MBTD1: variants seen among roughly 807,000 people sequenced by gnomAD.
The protein encoded by MBTD1 is MBT domain-containing protein 1.
Under a neutral mutation model 87.8 loss-of-function variants are expected in MBTD1, and 24 were observed. That is an observed-to-expected ratio of 0.27 (90% confidence interval 0.20 to 0.38). The LOEUF is 0.38. MBTD1 is among the 10% of genes least tolerant of loss of function. The probability of loss-of-function intolerance (pLI) is 1.00; values close to 1 mark genes in which losing one functional copy is unlikely to be tolerated. For missense variants in MBTD1, 436 were observed against 760.2 expected (o/e 0.57, Z 5.02); for synonymous variants, 237 against 248.6 (o/e 0.95, Z 0.44).
chr17:51,256,844 G>C (rs190549200), intron 2 of MBTD1: 1 of 152,244 alleles, frequency 6.6e-6, no homozygotes, highest in East Asian at 1.9e-4. Context: ...TGAGAAAATG[G>C]AGGCACAGGA....
At chr17:51,202,352 T>C (rs747053716) in intron 10 of MBTD1, among the ~76,000 whole-genome samples, 2 of 152,238 alleles carry the variant, frequency 1.3e-5, no homozygotes, top group Non-Finnish European at 2.9e-5. Flanking sequence ...CATGTTTTCA[T>C]GTGCTTAGTA....
intron 6 of MBTD1, among the ~76,000 whole-genome samples, chr17:51,216,662 G>A (rs946693794): frequency 2.6e-5 from 4 of 152,204 alleles, no homozygotes; most frequent in Admixed American, 6.5e-5. Context: ...GCAGATTTAA[G>A]TAACATACAC....
chr17:51,224,257 A>T (rs957781807), intron 3 of MBTD1, among the ~76,000 whole-genome samples: 2 of 152,242 alleles, frequency 1.3e-5, no homozygotes, highest in African/African-American at 4.8e-5. Context: ...CAAAGAATTA[A>T]ATCACTGGGA....
At chr17:51,190,191 G>A (rs149203262) in intron 16 of MBTD1, among the ~76,000 whole-genome samples, 27 of 152,268 alleles carry the variant, frequency 1.8e-4, no homozygotes, top group Non-Finnish European at 3.4e-4. Context: ...AAATCAGCAC[G>A]TACCTGAGCA....
intron 7 of MBTD1, among the ~76,000 whole-genome samples, chr17:51,205,296 T>C (rs777373827): frequency 2.0e-5 from 3 of 152,216 alleles, no homozygotes; most frequent in African/African-American, 7.2e-5. Context: ...GGCTCACTTC[T>C]ACAATGGCAT....
chr17:51,191,938 C>T (rs1468014761), intron 16 of MBTD1: 5 of 393,614 alleles, frequency 1.3e-5, no homozygotes, highest in African/African-American at 2.1e-5. Flanking sequence ...GTAGGTTTTA[C>T]ATATTATTTC....
At chr17:51,236,145 G>C (rs898004982) in intron 2 of MBTD1, among the ~76,000 whole-genome samples, 1 of 151,894 alleles carries the variant, frequency 6.6e-6, no homozygotes, top group Non-Finnish European at 1.5e-5. Flanking sequence ...GATATCTACA[G>C]AATCTATATA....
chr17:51,181,844 G>A (rs1272497362), intron 16 of MBTD1, among the ~76,000 whole-genome samples: 3 of 152,102 alleles, frequency 2.0e-5, no homozygotes, highest in African/African-American at 4.8e-5. Context: ...TGTTTCCGTA[G>A]GTCTTTAGTA....
chr17:51,192,602 G>A, intron 15 of MBTD1, 180 bp downstream of exon 15: 1 of 1,089,186 alleles, frequency 9.2e-7, no homozygotes, highest in African/African-American at 1.6e-5. Context: ...GATTCACATT[G>A]CCATGGGACA....
chr17:51,202,871 T>C lies in MBTD1; in HGVS notation c.893A>G (p.His298Arg), dbSNP rs767096354. ...CMRVEVVDKR[H>R]LCRTRVAVVE... is the part of the protein sequence containing the mutation. The stretch of plus-strand genomic sequence containing the variant: ...CACTGCTACTCGTGTTCGACACAAA[T>C]GCCTCTTGTCAACCACTTCTACTCT... Residue 298 changes from histidine (H) to arginine (R), a missense_variant, in exon 10 of 17, where the codon CAT (histidine) becomes CGT (arginine). Coordinates refer to ENST00000586178, the MANE Select transcript of MBTD1 (RefSeq NM_017643.3). 6.8e-6 allele frequency: 11 copies of C among 1,614,178 alleles called. No individual in the cohort carries two copies. The East Asian group carries it at 1.8e-4, about 26-fold the overall frequency.
chr17:51,212,223 T>C (rs1598346417), intron 6 of MBTD1, among the ~76,000 whole-genome samples: 1 of 151,874 alleles, frequency 6.6e-6, no homozygotes, highest in East Asian at 1.9e-4. Flanking sequence ...CCGAGTGTGG[T>C]TGTGTAGGCC....
chr17:51,260,937 C>T (rs1359391974), upstream of MBTD1: 5 of 1,532,100 alleles, frequency 3.3e-6, no homozygotes, highest in Admixed American at 2.1e-5. Flanking sequence ...GTGAGGGAGG[C>T]CGCGGCGCGC....
At chr17:51,209,755 A>G (rs560056590) in intron 6 of MBTD1, among the ~76,000 whole-genome samples, 304 of 152,348 alleles carry the variant, frequency 2.0e-3, no homozygotes, top group Non-Finnish European at 3.2e-3. Context: ...CTGAGGTTGC[A>G]TATAGGTAAC....
chr17:51,196,860 C>A (rs2051137246), intron 12 of MBTD1, among the ~76,000 whole-genome samples: 1 of 151,522 alleles, frequency 6.6e-6, no homozygotes, highest in Non-Finnish European at 1.5e-5. Flanking sequence ...CCATTGCACT[C>A]CAGCCTGGGT....
chr17:51,237,000 A>G (rs1197101296), intron 2 of MBTD1, among the ~76,000 whole-genome samples: 1 of 152,062 alleles, frequency 6.6e-6, no homozygotes, highest in Non-Finnish European at 1.5e-5. Context: ...TATAACCCAT[A>G]AAGGAAAAAA....
intron 2 of MBTD1, among the ~76,000 whole-genome samples, chr17:51,231,861 G>GT (rs888347639): frequency 5.4e-4 from 80 of 146,818 alleles, no homozygotes; most frequent in East Asian, 2.0e-3. Flanking sequence ...ACTTATCTAA[G>GT]TTTTTTTTTT....
intron 16 of MBTD1, among the ~76,000 whole-genome samples, chr17:51,191,260 CTTTT>C (rs10545166): frequency 6.5e-4 from 89 of 136,596 alleles, no homozygotes; most frequent in African/African-American, 1.3e-3. Context: ...GAAAGAATTT[CTTTT>C]TTTTTTTTTT....
intron 16 of MBTD1, among the ~76,000 whole-genome samples, chr17:51,181,512 A>G (rs1019889109): frequency 6.6e-6 from 1 of 152,198 alleles, no homozygotes; most frequent in Non-Finnish European, 1.5e-5. Context: ...AACAAAAAAA[A>G]GCTGGGTATG....
intron 16 of MBTD1, among the ~76,000 whole-genome samples, chr17:51,187,624 TG>T (rs1349365872): frequency 1.3e-5 from 2 of 151,278 alleles, no homozygotes; most frequent in African/African-American, 2.4e-5. Flanking sequence ...CCGAGGCAGG[TG>T]GATCACTTGA....
Sources: allele counts gnomAD v4.1 joint callset (sites outside exome capture counted in the v4.1 genomes callset), GRCh38; gene constraint gnomAD v4.1.1; transcripts MANE v1.5; gene names NCBI Gene and HGNC (gene_info 2026-07-23, HGNC 2026-07-21).